Variants in ZFYVE9 observed in about 807,000 individuals in gnomAD.
The protein encoded by ZFYVE9 is zinc finger FYVE-type containing 9.
ZFYVE9 carries 43 observed loss-of-function variants against 126.7 expected under a neutral mutation model. That is an observed-to-expected ratio of 0.34 (90% CI 0.27 to 0.44). ZFYVE9 has a LOEUF of 0.44. ZFYVE9 is among the 20% of genes least tolerant of loss of function. The probability of loss-of-function intolerance (pLI) is 1.00; values close to 1 mark genes in which losing one functional copy is unlikely to be tolerated. For synonymous variants in ZFYVE9, 521 were observed against 597.4 expected, an observed-to-expected ratio of 0.87 and a Z score of 1.87; for missense variants, 1,476 against 1,697.0, an observed-to-expected ratio of 0.87 and a Z score of 2.29.
rs1320133260 is a variant in ZFYVE9, at chr1:52,237,023, A to T, written c.71-465A>T. Among the ~76,000 whole-genome samples the T allele has an allele frequency of 2.6e-5, 4 of 152,280 alleles. No homozygotes were observed. The East Asian group carries it at 5.8e-4, about 22-fold the overall frequency. ...AGATCTTAACTGTCCAGTTTTGGCA[A>T]ATGGGTATCTCTCTCAAACCCACAT... On this transcript the variant is annotated intron_variant, in intron 3 of 18. Transcript: ENST00000287727.
chr1:52,205,946 A>G (rs1644974271), intron 1 of ZFYVE9, among the ~76,000 whole-genome samples: 1 of 152,194 alleles, frequency 6.6e-6, no homozygotes, highest in African/African-American at 2.4e-5. Flanking sequence ...AGAACATAGA[A>G]TATCTCAGTT....
intron 13 of ZFYVE9, among the ~76,000 whole-genome samples, chr1:52,322,778 T>C (rs563178114): frequency 3.9e-5 from 6 of 152,186 alleles, no homozygotes; most frequent in African/African-American, 1.4e-4. Context: ...ACACCATTTG[T>C]ATTTCTCGAC....
chr1:52,248,688 T>A (rs531616223), intron 4 of ZFYVE9, among the ~76,000 whole-genome samples: 29 of 152,384 alleles, frequency 1.9e-4, no homozygotes, highest in African/African-American at 6.3e-4. Context: ...TTCAGTTGTT[T>A]CCACCTCTTG....
chr1:52,216,084 T>G (rs1039628056), intron 1 of ZFYVE9, among the ~76,000 whole-genome samples: 2 of 152,174 alleles, frequency 1.3e-5, no homozygotes, highest in African/African-American at 4.8e-5. Flanking sequence ...TTAAAGTCAT[T>G]GGGTAGAAAG....
intron 13 of ZFYVE9, among the ~76,000 whole-genome samples, chr1:52,312,306 ATAAAG>A (rs1646145972): frequency 6.6e-6 from 1 of 152,216 alleles, no homozygotes; most frequent in Non-Finnish European, 1.5e-5. Context: ...AAAGAAGACT[ATAAAG>A]GAATAGCACA....
chr1:52,189,186 C>A (rs1279658386), intron 1 of ZFYVE9, among the ~76,000 whole-genome samples: 2 of 151,632 alleles, frequency 1.3e-5, no homozygotes, highest in African/African-American at 4.9e-5. Context: ...ATCCATCCAC[C>A]TTAGCCTCCC....
chr1:52,248,236 A>C (rs1369331647), intron 4 of ZFYVE9, among the ~76,000 whole-genome samples: 1 of 152,194 alleles, frequency 6.6e-6, no homozygotes, highest in East Asian at 1.9e-4. Flanking sequence ...AGAGACCCCC[A>C]GAAGGCTGCT....
chr1:52,266,823 G>T lies in ZFYVE9; in HGVS notation c.2447G>T (p.Gly816Val), dbSNP rs1442335429. Residue 816 changes from glycine (G) to valine (V), a missense_variant, in exon 6 of 19, where the codon GGA becomes GTA. Physicochemically the swap from Gly to Val is moderately radical, Grantham distance 109. This residue lies in a region of ZFYVE9 where 669 missense variants were observed against 902.4 expected (regional missense o/e 0.74). Transcript: ENST00000287727. ...CCTGTGGGAGTTTTAAAGCACCCTG[G>T]AGCAGAAGGTAGGGGATCATGTGCT... is the stretch of plus-strand genomic sequence containing the variant. Reference protein sequence around the residue: ...MVPVGVLKHPGAEVAQPREQR... With the variant: ...MVPVGVLKHPVAEVAQPREQR... The T allele has an allele frequency of 6.3e-7, 1 of 1,598,638 alleles. No individual in the cohort carries two copies. Among genetic ancestry groups the T allele is most frequent in the Non-Finnish European group, 8.5e-7 (1 of 1,173,856 alleles).
chr1:52,258,546 C>CT (rs1250161684), intron 4 of ZFYVE9, among the ~76,000 whole-genome samples: 1 of 152,192 alleles, frequency 6.6e-6, no homozygotes, highest in Non-Finnish European at 1.5e-5. Context: ...GAAGCACTGA[C>CT]TAACCTGGCT....
At chr1:52,232,067 A>G (rs1309486384) in intron 2 of ZFYVE9, among the ~76,000 whole-genome samples, 3 of 152,222 alleles carry the variant, frequency 2.0e-5, no homozygotes, top group Non-Finnish European at 4.4e-5. Flanking sequence ...ATCACTTATT[A>G]TATTTGACTT....
chr1:52,334,593 T>G lies in ZFYVE9; in HGVS notation c.3590-95T>G, dbSNP rs1026572197. ...TTTTTTAAAATTTTCTGTGTGATGATGGTCGGAATTCTCAACTTCTGAATA... is the reference window on the plus strand; with the variant it reads ...TTTTTTAAAATTTTCTGTGTGATGAGGGTCGGAATTCTCAACTTCTGAATA... On this transcript the variant is annotated intron_variant, in intron 14 of 18. Coordinates refer to ENST00000287727, the MANE Select transcript of ZFYVE9 (RefSeq NM_004799.4). 3.6e-5 allele frequency: 46 copies of G among 1,289,062 alleles called. No individual in the cohort carries two copies. In the African/African-American group the frequency reaches 5.8e-4, roughly 16 times the overall value. 79.9% of individuals were successfully genotyped at this position (1,289,062 alleles called of 1,614,324 possible). A position where few individuals can be genotyped will look rare whatever the true frequency, so the allele number is the denominator to read the frequency against.
At chr1:52,289,568 C>T (rs1029778983) in intron 10 of ZFYVE9, among the ~76,000 whole-genome samples, 1 of 152,180 alleles carries the variant, frequency 6.6e-6, no homozygotes, top group Non-Finnish European at 1.5e-5. Flanking sequence ...TGAGTGCAGT[C>T]GTTGAGAAGT....
chr1:52,327,695 C>T (rs1402923281), intron 13 of ZFYVE9, among the ~76,000 whole-genome samples: 4 of 151,910 alleles, frequency 2.6e-5, no homozygotes, highest in Admixed American at 1.3e-4. Flanking sequence ...GAAGGTAGGC[C>T]GGGCGCGATG....
At chr1:52,272,671 A>ACCTTTTTTTTTTTTTTTTTT (rs1162973754) in intron 7 of ZFYVE9, among the ~76,000 whole-genome samples, 4 of 134,858 alleles carry the variant, frequency 3.0e-5, no homozygotes, top group African/African-American at 1.3e-4. Context: ...GCTAGAAATA[A>ACCTTTTTTTTTTTTTTTTTT]TCTTTTTTTT....
chr1:52,260,408 G>T (rs1645567043), intron 4 of ZFYVE9, among the ~76,000 whole-genome samples: 1 of 152,018 alleles, frequency 6.6e-6, no homozygotes, highest in Admixed American at 6.5e-5. Flanking sequence ...TAATTTTTTT[G>T]TAATAATTGT....
At chr1:52,236,716 A>T (rs1572123382) in intron 3 of ZFYVE9, among the ~76,000 whole-genome samples, 1 of 152,228 alleles carries the variant, frequency 6.6e-6, no homozygotes, top group East Asian at 1.9e-4. Flanking sequence ...TCCTCAGATA[A>T]TAATATAAAT....
In ZFYVE9 at chr1:52,167,294, A is replaced by G. The variant is rs189492421; in HGVS notation, c.-143+24891A>G. ...CAATGTTAGGTACTTCCTTGACCCC[A>G]TCAATCTTGGTGGATAAATAAGAAA... is the stretch of plus-strand genomic sequence containing the variant. On this transcript the variant is annotated intron_variant, in intron 1 of 18. Transcript: ENST00000287727. 5.8e-4 allele frequency among the ~76,000 whole-genome samples: 88 copies of G among 152,282 alleles called. 1 individual carries two copies. Among genetic ancestry groups the G allele is most frequent in the Non-Finnish European group, 1.1e-3 (72 of 68,014 alleles).
At chr1:52,267,319 A>C (rs1645644261) in intron 6 of ZFYVE9, among the ~76,000 whole-genome samples, 1 of 152,180 alleles carries the variant, frequency 6.6e-6, no homozygotes, top group African/African-American at 2.4e-5. Context: ...TGTGTTAGGG[A>C]CATAGACTTT....
At chr1:52,345,795 T>G (rs1327596918) in intron 18 of ZFYVE9, 1 of 323,872 alleles carries the variant, frequency 3.1e-6, no homozygotes, top group Non-Finnish European at 5.6e-6. Flanking sequence ...CCATACCTTT[T>G]TACACACCTC....
Sources: allele counts gnomAD v4.1 joint callset (sites outside exome capture counted in the v4.1 genomes callset), GRCh38; gene constraint gnomAD v4.1.1; regional missense constraint gnomAD v4.1.1; transcripts MANE v1.5; gene names NCBI Gene and HGNC (gene_info 2026-07-23, HGNC 2026-07-21).